Variants in SDSL observed in about 807,000 individuals in gnomAD.
SDSL encodes serine dehydratase-like.
SDSL carries 26 observed loss-of-function variants against 27.6 expected under a neutral mutation model. The ratio of observed to expected loss-of-function variants is 0.94; its 90% confidence interval spans 0.69 to 1.31. SDSL has a LOEUF of 1.31. SDSL is among the 50% of genes most tolerant of loss of function. The probability of loss-of-function intolerance (pLI) is 0.00; values close to 1 mark genes in which losing one functional copy is unlikely to be tolerated. For missense variants in SDSL, 431 were observed against 423.5 expected (o/e 1.02, Z -0.16); for synonymous variants, 196 against 180.6 (o/e 1.09, Z -0.69).
intron 4 of SDSL, among the ~76,000 whole-genome samples, chr12:113,430,802 G>A (rs554786251): frequency 1.3e-5 from 2 of 152,326 alleles, no homozygotes; most frequent in South Asian, 2.1e-4. Context: ...GCACTGTGGT[G>A]TGCACCTGTA....
In SDSL at chr12:113,438,182, G is replaced by A. The variant is rs557439356; in HGVS notation, c.*103G>A. On this transcript the variant is annotated 3_prime_UTR_variant, in exon 8 of 8. Coordinates refer to ENST00000403593, the MANE Select transcript of SDSL (RefSeq NM_001304993.2). ...GGCAGATGGCAGTGGAAGCTGCCCT[G>A]TGCAACTGTGCTGGCTGCCTCCTGA... The A allele has an allele frequency of 2.9e-6, 3 of 1,019,080 alleles. No homozygotes were observed. Among genetic ancestry groups the A allele is most frequent in the South Asian group, 1.6e-5 (1 of 62,590 alleles). 63.1% of individuals were successfully genotyped at this position (1,019,080 alleles called of 1,614,324 possible). A position where few individuals can be genotyped will look rare whatever the true frequency, so the allele number is the denominator to read the frequency against.
intron 6 of SDSL, 107 bp from the exon 7 acceptor site, chr12:113,436,644 A>G (rs895862372): frequency 1.8e-5 from 21 of 1,181,138 alleles, no homozygotes; most frequent in Non-Finnish European, 2.4e-5. Flanking sequence ...AGCTCCAACC[A>G]GCCCATGGCA....
chr12:113,428,126 G>A lies in SDSL; in HGVS notation c.144G>A (p.Lys48=), dbSNP rs971597648. Residue 48 remains lysine, a synonymous_variant, in exon 2 of 8, where the codon AAG becomes AAA. Coordinates refer to ENST00000403593, the MANE Select transcript of SDSL (RefSeq NM_001304993.2). ...CENVQPSGSF[K]IRGIGHFCQE... ...ATGTGCAGCCCAGCGGCTCCTTCAA[G>A]ATTCGGGGCATTGGGCATTTCTGCC... 2 of 1,613,070 alleles carry A rather than the reference G, an allele frequency of 1.2e-6. No individual in the cohort carries two copies. Among genetic ancestry groups the A allele is most frequent in the Admixed American group, 1.7e-5 (1 of 59,856 alleles).
intron 4 of SDSL, 46 bp downstream of exon 4, chr12:113,429,345 C>T (rs750266953): frequency 2.4e-5 from 38 of 1,570,712 alleles, no homozygotes; most frequent in Non-Finnish European, 3.2e-5. Flanking sequence ...GGCTGCTCTC[C>T]TTCACCTCAC....
At position 113,437,895 on chromosome 12, in the gene SDSL, G is replaced by A. The variant is rs767707304; in HGVS notation, c.806G>A (p.Arg269His). The A allele has an allele frequency of 1.4e-5, 22 of 1,605,932 alleles. No homozygotes were observed. Among genetic ancestry groups the A allele is most frequent in the African/African-American group, 5.4e-5 (4 of 74,498 alleles). Residue 269 changes from arginine (R) to histidine (H), a missense_variant, in exon 8 of 8, where the codon CGT (arginine) becomes CAT (histidine). Coordinates refer to ENST00000403593, the MANE Select transcript of SDSL (RefSeq NM_001304993.2). Reference protein sequence around the residue: ...SAVQQLLDDERMLVEPACGAA... With the variant: ...SAVQQLLDDEHMLVEPACGAA... ...CCCCCGATCCTGGCAGATGATGAGC[G>A]TATGCTGGTGGAGCCTGCCTGTGGG...
chr12:113,435,682 C>T, intron 6 of SDSL, 126 bp downstream of exon 6: 1 of 716,900 alleles, frequency 1.4e-6, no homozygotes, highest in Non-Finnish European at 2.4e-6. Flanking sequence ...GGGACTCCAA[C>T]CACAGTAAAG....
At chr12:113,435,245 C>A in intron 5 of SDSL, 84 bp from the exon 6 acceptor site, 1 of 911,968 alleles carries the variant, frequency 1.1e-6, no homozygotes, top group Non-Finnish European at 1.6e-6. Flanking sequence ...GAGAACCCAC[C>A]CCTGGTAAAT....
In SDSL at chr12:113,428,134, G is replaced by A. The variant is rs1957873030; in HGVS notation, c.152G>A (p.Gly51Asp). The A allele has an allele frequency of 6.2e-7, 1 of 1,612,330 alleles. No homozygotes were observed. The highest frequency in any genetic ancestry group is 1.3e-5 in the African/African-American group (1 of 75,024). Reference protein sequence around the residue: ...VQPSGSFKIRGIGHFCQEMAK... With the variant: ...VQPSGSFKIRDIGHFCQEMAK... Reference sequence around the variant, plus strand: ...CCCAGCGGCTCCTTCAAGATTCGGGGCATTGGGCATTTCTGCCAGGAGGTG... The same window carrying A: ...CCCAGCGGCTCCTTCAAGATTCGGGACATTGGGCATTTCTGCCAGGAGGTG... Residue 51 changes from glycine to aspartate, a missense_variant, in exon 2 of 8, where the codon GGC becomes GAC. By Grantham distance (94) the Gly-to-Asp change is moderately conservative. Coordinates refer to ENST00000403593, the MANE Select transcript of SDSL (RefSeq NM_001304993.2).
chr12:113,435,553 C>T lies in SDSL; in HGVS notation c.668C>T (p.Thr223Ile), dbSNP rs1358906051. 3 of 1,612,076 alleles carry T rather than the reference C, an allele frequency of 1.9e-6. No homozygotes were observed. Among genetic ancestry groups the T allele is most frequent in the South Asian group, 2.2e-5 (2 of 90,800 alleles). ...AAGCTGGTCACACTTCCAGACATCA[C>T]CAGGTGGGTAAGGGCTGGGGACATT... ...AGKLVTLPDI[T>I]SVAKSLGAKT... Residue 223 changes from threonine to isoleucine, a missense_variant, in exon 6 of 8, where the codon ACC (threonine) becomes ATC (isoleucine). By Grantham distance (89) the Thr-to-Ile change is moderately conservative. Coordinates refer to ENST00000403593, the MANE Select transcript of SDSL (RefSeq NM_001304993.2).
chr12:113,430,914 C>G (rs1957914291), intron 4 of SDSL, among the ~76,000 whole-genome samples: 1 of 152,108 alleles, frequency 6.6e-6, no homozygotes. Context: ...AAAATAGTAA[C>G]TATTAAGCCA....
chr12:113,432,260 CT>C (rs1392135291), intron 4 of SDSL, among the ~76,000 whole-genome samples: 1 of 137,584 alleles, frequency 7.3e-6, no homozygotes, highest in African/African-American at 2.9e-5. Context: ...TTCTTTCTTT[CT>C]TTCTTTCTTT....
chr12:113,425,398 G>C (rs1180405404), intron 1 of SDSL, among the ~76,000 whole-genome samples: 3 of 152,088 alleles, frequency 2.0e-5, no homozygotes, highest in Non-Finnish European at 4.4e-5. Flanking sequence ...TTCTGACAAG[G>C]GCGTGGGGTC....
At position 113,437,890 on chromosome 12, in the gene SDSL, T is replaced by C; in HGVS notation, c.801T>C (p.Asp267=). 3 of 1,595,888 alleles carry C rather than the reference T, an allele frequency of 1.9e-6. No individual in the cohort carries two copies. Among genetic ancestry groups the C allele is most frequent in the Non-Finnish European group, 2.6e-6 (3 of 1,171,284 alleles). ...TCCATCCCCCGATCCTGGCAGATGATGAGCGTATGCTGGTGGAGCCTGCCT... is the reference window on the plus strand; with the variant it reads ...TCCATCCCCCGATCCTGGCAGATGACGAGCGTATGCTGGTGGAGCCTGCCT... ...AVSAVQQLLD[D]ERMLVEPACG... is the part of the protein sequence containing the mutation. Residue 267 remains aspartate (D), a synonymous_variant, in exon 8 of 8, where the codon GAT becomes GAC. Coordinates refer to ENST00000403593, the MANE Select transcript of SDSL (RefSeq NM_001304993.2).
In SDSL at chr12:113,434,222, G is replaced by A. The variant is rs368509002; in HGVS notation, c.443G>A (p.Trp148Ter). Residue 148 changes from tryptophan (W) to a stop codon, truncating the protein, a stop_gained and splice_region_variant, in exon 5 of 8, where the codon TGG becomes TAG. Transcript: ENST00000403593. LOFTEE classifies it high-confidence loss of function. ...NVPPFDHPLI[W>*]KGHASLVQEL... ...CCCCCGTTTGACCACCCCCTAATAT[G>A]GTAAGGCTGACGCCCCTCTCCCCAG... 9 of 1,609,124 alleles carry A rather than the reference G, an allele frequency of 5.6e-6. No homozygotes were observed. The highest frequency in any genetic ancestry group is 2.5e-6 in the Non-Finnish European group (3 of 1,177,120).
At chr12:113,428,391 G>T (rs1593310236) in intron 2 of SDSL, 29 bp from the exon 3 acceptor site, 4 of 1,605,230 alleles carry the variant, frequency 2.5e-6, no homozygotes, top group Non-Finnish European at 3.4e-6. Context: ...GCTTGGGTTA[G>T]CCGCTAACCC....
intron 6 of SDSL, 95 bp from the exon 7 acceptor site, chr12:113,436,656 G>A: frequency 7.7e-7 from 1 of 1,294,136 alleles, no homozygotes. Context: ...CCCATGGCAG[G>A]ATGGGAGGGG....
At chr12:113,437,743 C>A in intron 7 of SDSL, 143 bp from the exon 8 acceptor site, 1 of 731,562 alleles carries the variant, frequency 1.4e-6, no homozygotes, top group Non-Finnish European at 2.3e-6. Flanking sequence ...GAGCGTGAGA[C>A]AAGTGATGGA....
At chr12:113,426,409 G>C in intron 1 of SDSL, 1 of 331,308 alleles carries the variant, frequency 3.0e-6, no homozygotes, top group Non-Finnish European at 6.1e-6. Flanking sequence ...CACAGAATCA[G>C]CCACTGATCA....
intron 6 of SDSL, 89 bp downstream of exon 6, chr12:113,435,645 G>A (rs947646095): frequency 8.8e-7 from 1 of 1,142,674 alleles, no homozygotes; most frequent in Non-Finnish European, 1.3e-6. Context: ...TGGAGACGGG[G>A]GCACCCAAAA....
Sources: allele counts gnomAD v4.1 joint callset (sites outside exome capture counted in the v4.1 genomes callset), GRCh38; gene constraint gnomAD v4.1.1; transcripts MANE v1.5; gene names NCBI Gene and HGNC (gene_info 2026-07-23, HGNC 2026-07-21).